Variants in PTBP1 observed in about 807,000 individuals in gnomAD.
The protein encoded by PTBP1 is polypyrimidine tract-binding protein 1.
In PTBP1, 8 loss-of-function variants were observed where a neutral mutation model predicts 59.8. The observed-to-expected ratio is 0.13, with a 90% CI of 0.08 to 0.24. PTBP1 has a LOEUF of 0.24. PTBP1 is among the 10% of genes least tolerant of loss of function. PTBP1 has a pLI of 1.00. For synonymous variants in PTBP1, 490 were observed against 320.7 expected (o/e 1.53, Z -5.64); for missense variants, 686 against 767.0 (o/e 0.89, Z 1.25).
rs532241417 is a variant in PTBP1 at position 806,391 on chromosome 19, ACCT to A, written c.971-13_971-11del. 498 of 1,593,448 alleles carry A rather than the reference ACCT, an allele frequency of 3.1e-4. 1 individual carries two copies. The highest frequency in any genetic ancestry group is 2.0e-3 in the South Asian group (182 of 89,692). On this transcript the variant is annotated splice_polypyrimidine_tract_variant and intron_variant, in intron 9 of 14. Transcript: ENST00000356948. Reference sequence around the variant, plus strand: ...AGTCGGGGGCGCCGCCGCTCATCTCACCTCCTGCTTTTCCAGGCCTTTCCGTTC... The same window carrying A: ...AGTCGGGGGCGCCGCCGCTCATCTCACCTGCTTTTCCAGGCCTTTCCGTTC...
At chr19:799,840 G>A (rs1447759075) in intron 2 of PTBP1, among the ~76,000 whole-genome samples, 1 of 152,232 alleles carries the variant, frequency 6.6e-6, no homozygotes, top group Non-Finnish European at 1.5e-5. Flanking sequence ...ACCTGGCTGT[G>A]GAGGGGACCT....
At chr19:798,458 T>C (rs1169172806) in intron 1 of PTBP1, 5 of 152,302 alleles carry the variant, frequency 3.3e-5, no homozygotes, top group African/African-American at 9.6e-5. Flanking sequence ...CTTTTAAAAG[T>C]CTGTTAAACG....
chr19:800,448 GTCCTCGCT>G (rs769217027), intron 2 of PTBP1, among the ~76,000 whole-genome samples: 42 of 152,218 alleles, frequency 2.8e-4, no homozygotes, highest in Non-Finnish European at 5.3e-4. Context: ...GGGAGCTGTA[GTCCTCGCT>G]TAGCTGGGGT....
At chr19:801,114 G>T (rs1462797987) in intron 2 of PTBP1, among the ~76,000 whole-genome samples, 2 of 152,126 alleles carry the variant, frequency 1.3e-5, no homozygotes, top group Non-Finnish European at 2.9e-5. Flanking sequence ...TTCAGTGTGG[G>T]GTTAAAGACA....
chr19:805,778 G>GC (rs2034536110), intron 9 of PTBP1: 1 of 581,880 alleles, frequency 1.7e-6, no homozygotes, highest in Non-Finnish European at 3.1e-6. Context: ...CGTGTGGACG[G>GC]CGCCAGCCAG....
Position 803,587 on chromosome 19 carries a change from T to G in PTBP1, c.66T>G (p.Thr22=), listed in dbSNP as rs1158937866. The G allele has an allele frequency of 6.2e-7, 1 of 1,614,062 alleles. No individual in the cohort carries two copies. Among genetic ancestry groups the G allele is most frequent in the Admixed American group, 1.7e-5 (1 of 60,000 alleles). ...TKRGSDELFS[T]CVTNGPFIMS... ...GGGGATCTGACGAGCTTTTCTCTAC[T>G]TGTGTCACTAACGGACCGTTTATCA... is the stretch of plus-strand genomic sequence containing the variant. Residue 22 remains threonine (T), a synonymous_variant, in exon 3 of 15, where the codon ACT becomes ACG. Coordinates refer to ENST00000356948, the MANE Select transcript of PTBP1 (RefSeq NM_002819.5).
At position 804,356 on chromosome 19, in the gene PTBP1, C is replaced by T. The variant is rs1221023546; in HGVS notation, c.353C>T (p.Thr118Ile). Residue 118 changes from threonine (T) to isoleucine (I), a missense_variant, in exon 5 of 15, where the codon ACC becomes ATC. Transcript: ENST00000356948. ...NTMVNYYTSV[T>I]PVLRGQPIYI... ...ATGGTGAACTACTACACCTCGGTGA[C>T]CCCTGTGCTGCGCGGCCAGCCCATC... 4.3e-6 allele frequency: 7 copies of T among 1,613,256 alleles called. No homozygotes were observed. Among genetic ancestry groups the T allele is most frequent in the East Asian group, 2.2e-5 (1 of 44,898 alleles).
intron 13 of PTBP1, among the ~76,000 whole-genome samples, chr19:809,298 G>A (rs1016830120): frequency 2.7e-5 from 4 of 146,544 alleles, no homozygotes; most frequent in Admixed American, 6.8e-5. Context: ...GAGCCACCGC[G>A]CCTAGCCACA....
chr19:799,695 TCAG>T (rs2034246112), intron 2 of PTBP1, among the ~76,000 whole-genome samples: 2 of 152,230 alleles, frequency 1.3e-5, no homozygotes, highest in African/African-American at 4.8e-5. Flanking sequence ...GTTCTTGCTG[TCAG>T]CAGCGAGGGC....
rs756018776 is a variant in PTBP1 at position 810,530 on chromosome 19, T to TC, written c.1464-12dup. The TC allele has an allele frequency of 6.2e-7, 1 of 1,611,578 alleles. No homozygotes were observed. The highest frequency in any genetic ancestry group is 8.5e-7 in the Non-Finnish European group (1 of 1,179,184). On this transcript the variant is annotated splice_polypyrimidine_tract_variant and intron_variant, in intron 13 of 14. Transcript: ENST00000356948. The stretch of plus-strand genomic sequence containing the variant: ...CCACGCGGCCCCAGGCTCACGCCTT[T>TC]CTCCTCCCACAGGCCCTCAGTCTCC...
intron 13 of PTBP1, 99 bp from the exon 14 acceptor site, chr19:810,444 C>A: frequency 2.0e-6 from 2 of 1,013,558 alleles, no homozygotes; most frequent in East Asian, 2.6e-5. Context: ...TACGCCTTCC[C>A]CGGCTACTCT....
At chr19:799,147 C>T (rs1339674679) in intron 1 of PTBP1, among the ~76,000 whole-genome samples, 2 of 152,210 alleles carry the variant, frequency 1.3e-5, no homozygotes, top group South Asian at 2.1e-4. Context: ...CGTGTGGGGC[C>T]TGGTCCAGAG....
In PTBP1 at chr19:805,426, C is replaced by T. The variant is rs531623438; in HGVS notation, c.893-66C>T. 1.3e-4 allele frequency: 192 copies of T among 1,488,392 alleles called. No individual in the cohort carries two copies. The African/African-American group carries it at 1.5e-3, about 12-fold the overall frequency. 92.2% of individuals were successfully genotyped at this position (1,488,392 alleles called of 1,614,324 possible). On this transcript the variant is annotated intron_variant, in intron 8 of 14. Coordinates refer to ENST00000356948, the MANE Select transcript of PTBP1 (RefSeq NM_002819.5). Reference sequence around the variant, plus strand: ...CCGCCGGCCGGGTTGGGGCCCATCCCGCAGCACAGCGCCCGCTCGCGGTGG... The same window carrying T: ...CCGCCGGCCGGGTTGGGGCCCATCCTGCAGCACAGCGCCCGCTCGCGGTGG...
In PTBP1 at chr19:808,065, G is replaced by T; in HGVS notation, c.1153+163G>T. On this transcript the variant is annotated intron_variant, in intron 11 of 14. Coordinates refer to ENST00000356948, the MANE Select transcript of PTBP1 (RefSeq NM_002819.5). This position sits in a 1 kb window ranked among gnomAD's most constrained non-coding sequence, Gnocchi z 4.7. ...TTTGCGAATTTTATTTGGTCCCGTA[G>T]ATACGTACGCATGGTTTATCGCCCT... 1 of 710,026 alleles carries T rather than the reference G, an allele frequency of 1.4e-6. No homozygotes were observed. 44.0% of individuals were successfully genotyped at this position (710,026 alleles called of 1,614,324 possible).
At position 804,212 on chromosome 19, in the gene PTBP1, C is replaced by T. The variant is rs758185217; in HGVS notation, c.288+4C>T. ...GATGCTGAAGGGGAAAAACCAGGTA[C>T]CTGAGCCGCGTTTCTCCGGGGTGCT... is the stretch of plus-strand genomic sequence containing the variant. On this transcript the variant is annotated splice_donor_region_variant and intron_variant, in intron 4 of 14. Coordinates refer to ENST00000356948, the MANE Select transcript of PTBP1 (RefSeq NM_002819.5). 30 of 1,606,136 alleles carry T rather than the reference C, an allele frequency of 1.9e-5. No individual in the cohort carries two copies. The highest frequency in any genetic ancestry group is 2.2e-5 in the Non-Finnish European group (26 of 1,174,748).
intron 5 of PTBP1, 32 bp from the exon 6 acceptor site, chr19:804,500 G>A: frequency 6.3e-7 from 1 of 1,593,928 alleles, no homozygotes; most frequent in South Asian, 1.1e-5. Flanking sequence ...CCAGCCGCAG[G>A]GGCCGGGGAC....
At chr19:805,685 G>A (rs2034532801) in intron 9 of PTBP1, 116 bp downstream of exon 9, 4 of 888,144 alleles carry the variant, frequency 4.5e-6, no homozygotes, top group African/African-American at 1.7e-5. Context: ...TGCCAGGTCA[G>A]GGGCCCTTCC....
At chr19:806,303 C>T (rs529294971) in intron 9 of PTBP1, 105 bp from the exon 10 acceptor site, 85 of 1,306,732 alleles carry the variant, frequency 6.5e-5, no homozygotes, top group Non-Finnish European at 7.9e-5. Context: ...GGCCGCCTCC[C>T]GCGCGGCTCG....
chr19:808,254 G>A lies in PTBP1; in HGVS notation c.1154-106G>A. ...CCGCAGTGGCCGATAAAGCAAACCC[G>A]GCCGGGCTGAGCCGGGCCTTGTGGG... On this transcript the variant is annotated intron_variant, in intron 11 of 14. Coordinates refer to ENST00000356948, the MANE Select transcript of PTBP1 (RefSeq NM_002819.5). The surrounding 1 kb of genome is among the most constrained non-coding windows in gnomAD (Gnocchi z 4.7). 4.1e-6 allele frequency: 4 copies of A among 980,600 alleles called. No homozygotes were observed. Among genetic ancestry groups the A allele is most frequent in the Non-Finnish European group, 4.7e-6 (3 of 640,274 alleles). The allele number at this position is 980,600 out of a possible 1,614,324, so 60.7% of individuals were successfully genotyped here. A position where few individuals can be genotyped will look rare whatever the true frequency, so the allele number is the denominator to read the frequency against.
Sources: gnomAD v4.1 joint callset for allele counts (sites outside exome capture counted in the v4.1 genomes callset) on GRCh38, gnomAD v4.1.1 for gene constraint, Gnocchi (gnomAD v3.1) non-coding constraint, MANE v1.5 for transcripts, NCBI Gene and HGNC (gene_info 2026-07-23, HGNC 2026-07-21) for gene names.